QKI: variants seen among roughly 807,000 people sequenced by gnomAD.
The protein encoded by QKI is QKI, KH domain containing RNA binding, also known as KH domain-containing RNA-binding protein QKI.
Under a neutral mutation model 39.0 loss-of-function variants are expected in QKI, and 10 were observed. That is an observed-to-expected ratio of 0.26 (90% confidence interval 0.16 to 0.43). QKI has a LOEUF of 0.43. Among genes scored for constraint, QKI ranks in the 20% least tolerant of loss-of-function variants. The pLI is 1.00. For synonymous variants in QKI, 204 were observed against 155.4 expected (o/e 1.31, Z -2.33); for missense variants, 218 against 428.0 (o/e 0.51, Z 4.33).
chr6:163,492,942 A>T (rs1313490501), intron 3 of QKI, among the ~76,000 whole-genome samples: 2 of 152,162 alleles, frequency 1.3e-5, no homozygotes, highest in Admixed American at 6.5e-5. Flanking sequence ...ATAAAAATGA[A>T]TTTTTTCTTA....
intron 6 of QKI, chr6:163,566,057 T>G: frequency 6.3e-7 from 1 of 1,580,508 alleles, no homozygotes; most frequent in Middle Eastern, 1.7e-4. Context: ...GGAAAAAAGC[T>G]TAGCCTAGCA....
intron 3 of QKI, among the ~76,000 whole-genome samples, chr6:163,514,666 A>G (rs562624398): frequency 6.6e-6 from 1 of 152,338 alleles, no homozygotes; most frequent in South Asian, 2.1e-4. Flanking sequence ...AGAAAGAGGT[A>G]GATGGAGAGA....
At chr6:163,492,913 G>A (rs1365495426) in intron 3 of QKI, among the ~76,000 whole-genome samples, 1 of 152,042 alleles carries the variant, frequency 6.6e-6, no homozygotes, top group Admixed American at 6.6e-5. Flanking sequence ...AGCAAATACT[G>A]AACCTCATCT....
At chr6:163,536,460 C>T (rs1016760313) in intron 4 of QKI, among the ~76,000 whole-genome samples, 8 of 152,148 alleles carry the variant, frequency 5.3e-5, no homozygotes, top group African/African-American at 1.7e-4. Context: ...GGCTTCCAGA[C>T]GACAGTGGGC....
intron 3 of QKI, among the ~76,000 whole-genome samples, chr6:163,504,675 A>T (rs566391281): frequency 6.6e-6 from 1 of 152,180 alleles, no homozygotes; most frequent in East Asian, 1.9e-4. Flanking sequence ...CAGGAATGCA[A>T]CTGATTTTTG....
chr6:163,463,173 T>C (rs907438334), intron 2 of QKI, among the ~76,000 whole-genome samples: 1 of 152,178 alleles, frequency 6.6e-6, no homozygotes, highest in African/African-American at 2.4e-5. Context: ...TTAACAATAA[T>C]GAGAAAACTA....
intron 1 of QKI, among the ~76,000 whole-genome samples, chr6:163,448,708 G>T (rs1002411915): frequency 6.6e-5 from 10 of 152,132 alleles, no homozygotes; most frequent in African/African-American, 2.4e-4. Flanking sequence ...TTGCACTCCA[G>T]CCTTGGTGAA....
At chr6:163,556,632 A>G (rs940759576) in intron 4 of QKI, among the ~76,000 whole-genome samples, 1 of 152,128 alleles carries the variant, frequency 6.6e-6, no homozygotes, top group African/African-American at 2.4e-5. Flanking sequence ...CTTAATTGCA[A>G]GCCTCCAGAA....
At chr6:163,453,025 G>A (rs1001771241) in intron 1 of QKI, among the ~76,000 whole-genome samples, 1 of 151,846 alleles carries the variant, frequency 6.6e-6, no homozygotes, top group African/African-American at 2.4e-5. Flanking sequence ...ACTGCGCCCG[G>A]CACGTTTATT....
chr6:163,568,802 A>G (rs899572437), intron 7 of QKI: 88 of 985,280 alleles, frequency 8.9e-5, no homozygotes, highest in Non-Finnish European at 1.0e-4. Flanking sequence ...CTCTTTATAT[A>G]TATTTCAAAA....
At chr6:163,450,916 A>G (rs916635907) in intron 1 of QKI, among the ~76,000 whole-genome samples, 2 of 152,174 alleles carry the variant, frequency 1.3e-5, no homozygotes, top group African/African-American at 4.8e-5. Flanking sequence ...TTCTGGTCCC[A>G]TTGTAGCTTG....
chr6:163,473,663 C>T (rs1015327309), intron 2 of QKI, among the ~76,000 whole-genome samples: 1 of 152,016 alleles, frequency 6.6e-6, no homozygotes, highest in African/African-American at 2.4e-5. Context: ...AATTGACATA[C>T]GAAGGAATAG....
chr6:163,534,946 G>A (rs759908035), intron 3 of QKI, 36 bp from the exon 4 acceptor site: 1 of 1,517,210 alleles, frequency 6.6e-7, no homozygotes, highest in Non-Finnish European at 8.9e-7. Flanking sequence ...TCTTTAAAGA[G>A]AATAATTTTA....
intron 1 of QKI, among the ~76,000 whole-genome samples, chr6:163,416,787 T>C (rs1787543023): frequency 6.6e-6 from 1 of 152,228 alleles, no homozygotes; most frequent in African/African-American, 2.4e-5. Flanking sequence ...TTTCCGCTGT[T>C]GGAACAGCAA....
chr6:163,520,509 C>T (rs1479670161), intron 3 of QKI, among the ~76,000 whole-genome samples: 4 of 151,664 alleles, frequency 2.6e-5, no homozygotes, highest in African/African-American at 9.7e-5. Context: ...CTATTTTTTA[C>T]CTGTTTTCAA....
chr6:163,561,821 T>G (rs1255673994), intron 4 of QKI, among the ~76,000 whole-genome samples, 161 bp from the exon 5 acceptor site: 1 of 152,198 alleles, frequency 6.6e-6, no homozygotes, highest in African/African-American at 2.4e-5. Flanking sequence ...GAAAGCAGGC[T>G]CCATTATGTT....
chr6:163,528,195 C>G (rs1402737580), intron 3 of QKI, among the ~76,000 whole-genome samples: 1 of 152,164 alleles, frequency 6.6e-6, no homozygotes, highest in Non-Finnish European at 1.5e-5. Context: ...TCATCTACCC[C>G]TTTATCTGCC....
chr6:163,537,297 A>G (rs1781264733), intron 4 of QKI, among the ~76,000 whole-genome samples: 1 of 152,224 alleles, frequency 6.6e-6, no homozygotes. Flanking sequence ...AATACCTAGC[A>G]CATACATGCT....
chr6:163,463,788 G>GA (rs1791518387), intron 2 of QKI, among the ~76,000 whole-genome samples: 1 of 152,194 alleles, frequency 6.6e-6, no homozygotes, highest in South Asian at 2.1e-4. Flanking sequence ...CAGTATTTGT[G>GA]AGAGTATGAG....
Sources: gnomAD v4.1 joint callset for allele counts (sites outside exome capture counted in the v4.1 genomes callset) on GRCh38, gnomAD v4.1.1 for gene constraint, MANE v1.5 for transcripts, NCBI Gene and HGNC (gene_info 2026-07-23, HGNC 2026-07-21) for gene names.